TENM4: variants seen among roughly 807,000 people sequenced by gnomAD.
TENM4 encodes the protein teneurin-4.
In TENM4, 82 loss-of-function variants were observed where a neutral mutation model predicts 243.3. The ratio of observed to expected loss-of-function variants is 0.34; its 90% CI spans 0.28 to 0.40. The LOEUF (loss-of-function observed/expected upper bound fraction) is 0.40. Ranked by LOEUF, TENM4 falls within the 10% of genes least tolerant of loss-of-function variation. The pLI, the probability that TENM4 is intolerant of heterozygous loss-of-function variation, is 1.00. For missense variants in TENM4, 3,138 were observed against 3,673.3 expected, an observed-to-expected ratio of 0.85 and a Z score of 3.77; for synonymous variants, 1,412 against 1,456.3, an observed-to-expected ratio of 0.97 and a Z score of 0.69.
At chr11:79,274,468 T>A (rs1856019860) in intron 2 of TENM4, among the ~76,000 whole-genome samples, 1 of 152,230 alleles carries the variant, frequency 6.6e-6, no homozygotes, top group South Asian at 2.1e-4. Context: ...CATGGGAGTT[T>A]CTCAAGCTTC....
At chr11:79,297,154 G>T (rs1856468933) in intron 2 of TENM4, among the ~76,000 whole-genome samples, 1 of 152,206 alleles carries the variant, frequency 6.6e-6, no homozygotes, top group African/African-American at 2.4e-5. Flanking sequence ...AAGGGAGAGT[G>T]AGTGTCACAA....
intron 1 of TENM4, among the ~76,000 whole-genome samples, chr11:79,312,059 T>C (rs1856731064): frequency 6.6e-6 from 1 of 151,814 alleles, no homozygotes; most frequent in Non-Finnish European, 1.5e-5. Flanking sequence ...ATGTGAGGAG[T>C]TCCTCCTAGC....
chr11:78,693,708 G>T (rs1048974785), intron 28 of TENM4, among the ~76,000 whole-genome samples: 2 of 152,112 alleles, frequency 1.3e-5, no homozygotes, highest in African/African-American at 2.4e-5. Context: ...CACAGTGAAA[G>T]AAAACACATA....
chr11:79,221,022 T>C (rs889203138), intron 2 of TENM4: 1 of 152,198 alleles, frequency 6.6e-6, no homozygotes, highest in African/African-American at 2.4e-5. Flanking sequence ...TCCAAGCCGA[T>C]TATATGTGCC....
At chr11:79,050,044 G>A (rs549315272) in intron 6 of TENM4, among the ~76,000 whole-genome samples, 14 of 152,260 alleles carry the variant, frequency 9.2e-5, no homozygotes, top group South Asian at 2.1e-4. Flanking sequence ...GGGCACATCC[G>A]GACCCAGGCT....
At chr11:78,773,018 T>C (rs1856671820) in intron 17 of TENM4, among the ~76,000 whole-genome samples, 1 of 152,204 alleles carries the variant, frequency 6.6e-6, no homozygotes, top group African/African-American at 2.4e-5. Context: ...TCTGACTTGG[T>C]TGCCAACATC....
At chr11:78,951,922 C>A (rs1857115923) in intron 6 of TENM4, among the ~76,000 whole-genome samples, 1 of 152,116 alleles carries the variant, frequency 6.6e-6, no homozygotes, top group Non-Finnish European at 1.5e-5. Context: ...GCAAACTTGC[C>A]TGTGTTCCTC....
At chr11:79,398,860 G>T (rs146394673) in intron 1 of TENM4, among the ~76,000 whole-genome samples, 6 of 151,764 alleles carry the variant, frequency 4.0e-5, no homozygotes, top group African/African-American at 1.5e-4. Flanking sequence ...TAGGGCAGAT[G>T]GGAAAGCACT....
At chr11:78,817,903 T>A (rs1857643173) in intron 12 of TENM4, among the ~76,000 whole-genome samples, 1 of 152,078 alleles carries the variant, frequency 6.6e-6, no homozygotes, top group Admixed American at 6.6e-5. Flanking sequence ...TTCTTTCAAA[T>A]CCAGTTCAAA....
At chr11:79,148,672 C>A (rs1441060646) in intron 4 of TENM4, 38 bp downstream of exon 4, 8 of 695,820 alleles carry the variant, frequency 1.1e-5, no homozygotes, top group Non-Finnish European at 5.3e-6. Flanking sequence ...TAACTTAAAT[C>A]ATGAATACTC....
chr11:78,953,231 A>G (rs902751439), intron 6 of TENM4, among the ~76,000 whole-genome samples: 2 of 152,218 alleles, frequency 1.3e-5, no homozygotes, highest in Admixed American at 6.5e-5. Flanking sequence ...CTCTGAGACT[A>G]CATGCTATGT....
At chr11:78,789,586 T>C (rs1353130799) in intron 15 of TENM4, among the ~76,000 whole-genome samples, 1 of 152,178 alleles carries the variant, frequency 6.6e-6, no homozygotes, top group East Asian at 1.9e-4. Context: ...ATCAGCTTAG[T>C]ATTTGTTTGG....
chr11:78,829,671 T>A (rs1857933522), intron 12 of TENM4, among the ~76,000 whole-genome samples: 1 of 152,154 alleles, frequency 6.6e-6, no homozygotes, highest in Non-Finnish European at 1.5e-5. Context: ...AACAAGTTAC[T>A]TCATCTCTCT....
chr11:79,093,284 T>G (rs557155584), intron 4 of TENM4: 5 of 152,304 alleles, frequency 3.3e-5, no homozygotes, highest in Admixed American at 1.3e-4. Flanking sequence ...AAAAAGGAAG[T>G]TCACTGGACT....
chr11:78,788,492 C>A (rs1856984920), intron 15 of TENM4, among the ~76,000 whole-genome samples: 1 of 152,246 alleles, frequency 6.6e-6, no homozygotes, highest in Non-Finnish European at 1.5e-5. Flanking sequence ...GGGCAGGTCC[C>A]TTGACTTCAC....
intron 6 of TENM4, among the ~76,000 whole-genome samples, chr11:79,044,859 T>C (rs1276053339): frequency 6.6e-6 from 1 of 152,230 alleles, no homozygotes; most frequent in Non-Finnish European, 1.5e-5. Context: ...ATCCTACGGA[T>C]GCACTCAATA....
intron 9 of TENM4, 99 bp downstream of exon 9, chr11:78,889,686 T>G: frequency 1.5e-6 from 2 of 1,313,126 alleles, no homozygotes; most frequent in East Asian, 5.1e-5. Flanking sequence ...GTGCTTTGCC[T>G]GCCATGCTAG....
intron 3 of TENM4, among the ~76,000 whole-genome samples, chr11:79,177,758 G>T (rs1041889466): frequency 6.6e-6 from 1 of 152,152 alleles, no homozygotes; most frequent in African/African-American, 2.4e-5. Context: ...TGCCTGGCAC[G>T]TAGGAGGGGC....
intron 6 of TENM4, among the ~76,000 whole-genome samples, chr11:79,061,944 T>C (rs1478221813): frequency 1.3e-5 from 2 of 150,746 alleles, no homozygotes; most frequent in African/African-American, 2.4e-5. Context: ...TGTGCTTAGG[T>C]TGAGATAATC....
Sources: gnomAD v4.1 joint callset for allele counts (sites outside exome capture counted in the v4.1 genomes callset) on GRCh38, gnomAD v4.1.1 for gene constraint, MANE v1.5 for transcripts, NCBI Gene and HGNC (gene_info 2026-07-23, HGNC 2026-07-21) for gene names.